The following CYRIB variants were observed in gnomAD, a reference collection of about 807,000 sequenced individuals.
The protein encoded by CYRIB is CYFIP related Rac1 interactor B.
In CYRIB, 8 loss-of-function variants were observed where a neutral mutation model predicts 44.2. The observed-to-expected ratio is 0.18, with a 90% confidence interval of 0.11 to 0.33. The LOEUF is 0.33. Ranked by LOEUF, CYRIB falls within the 10% of genes least tolerant of loss-of-function variation. The probability of loss-of-function intolerance (pLI) is 1.00; values close to 1 mark genes in which losing one functional copy is unlikely to be tolerated. For synonymous variants in CYRIB, 131 were observed against 127.2 expected (o/e 1.03, Z -0.20); for missense variants, 185 against 382.8 (o/e 0.48, Z 4.31).
chr8:129,877,049 G>A (rs760782040), intron 3 of CYRIB, among the ~76,000 whole-genome samples: 27 of 152,156 alleles, frequency 1.8e-4, no homozygotes, highest in Admixed American at 5.2e-4. Context: ...TTTTACAAAC[G>A]CATATTTCCA....
At chr8:129,842,705 T>G (rs1313863248) in intron 11 of CYRIB, among the ~76,000 whole-genome samples, 2 of 152,256 alleles carry the variant, frequency 1.3e-5, no homozygotes, top group East Asian at 3.8e-4. Context: ...TATAAAAGTT[T>G]TACTGAAACA....
chr8:130,007,148 C>T (rs1277903788), intron 1 of CYRIB, among the ~76,000 whole-genome samples: 5 of 152,214 alleles, frequency 3.3e-5, no homozygotes, highest in South Asian at 2.1e-4. Flanking sequence ...CCTTGGCTGA[C>T]GAGTTTGCAG....
upstream of CYRIB, among the ~76,000 whole-genome samples, chr8:129,943,424 GA>G (rs1463009585): frequency 1.2e-3 from 171 of 140,438 alleles, no homozygotes; most frequent in Middle Eastern, 3.6e-3. Context: ...CATCTCTACT[GA>G]AAAAAAAAAA....
chr8:129,922,819 C>T (rs1442602650), intron 1 of CYRIB, among the ~76,000 whole-genome samples: 2 of 150,650 alleles, frequency 1.3e-5, no homozygotes, highest in African/African-American at 4.9e-5. Context: ...GCCGAGATCG[C>T]ACCACTGCAC....
At chr8:129,862,649 T>C (rs1215141964) in intron 4 of CYRIB, among the ~76,000 whole-genome samples, 4 of 152,124 alleles carry the variant, frequency 2.6e-5, no homozygotes, top group African/African-American at 4.8e-5. Context: ...TTTTTTTATT[T>C]TTAGTAGAGA....
chr8:129,848,424 A>C (rs1362933335), intron 10 of CYRIB, among the ~76,000 whole-genome samples: 1 of 152,382 alleles, frequency 6.6e-6, no homozygotes, highest in South Asian at 2.1e-4. Context: ...GAAACTACGA[A>C]GTAGAGAAAT....
At chr8:129,925,796 T>G (rs965385145) in intron 1 of CYRIB, among the ~76,000 whole-genome samples, 3 of 152,166 alleles carry the variant, frequency 2.0e-5, no homozygotes, top group African/African-American at 4.8e-5. Context: ...CACATTAAGT[T>G]CCCCAAGTGG....
At chr8:130,011,158 G>T (rs72720362) in intron 1 of CYRIB, among the ~76,000 whole-genome samples, 57 of 151,900 alleles carry the variant, frequency 3.8e-4, no homozygotes, top group African/African-American at 1.2e-3. Context: ...TGTGCTCCCC[G>T]GGGGGACTCC....
At position 130,015,500 on chromosome 8, in the gene CYRIB, T is replaced by C. The variant is rs956542583; in HGVS notation, c.-296+870A>G. 3.8e-4 allele frequency among the ~76,000 whole-genome samples: 58 copies of C among 152,254 alleles called. No individual in the cohort carries two copies. The Middle Eastern group carries it at 0.017, about 45-fold the overall frequency. On this transcript the variant is annotated intron_variant, in intron 1 of 14. Coordinates refer to the CYRIB transcript ENST00000401979. The stretch of plus-strand genomic sequence containing the variant: ...AAGCGGCAGGGCCAGGAATTAAACA[T>C]AGCTGCAAAGTGCATGTGACACTCC...
chr8:129,902,481 A>C (rs990275554), intron 2 of CYRIB, among the ~76,000 whole-genome samples: 1 of 152,056 alleles, frequency 6.6e-6, no homozygotes, highest in African/African-American at 2.4e-5. Context: ...CGGCCTCCCA[A>C]AGTGCTGAGA....
chr8:129,955,515 G>A (rs918892825), intron 2 of CYRIB, among the ~76,000 whole-genome samples: 4 of 152,112 alleles, frequency 2.6e-5, no homozygotes, highest in East Asian at 3.9e-4. Context: ...TACAGACGTC[G>A]GAAATCTATA....
At chr8:129,876,205 A>C (rs1203308579) in intron 3 of CYRIB, among the ~76,000 whole-genome samples, 1 of 152,098 alleles carries the variant, frequency 6.6e-6, no homozygotes, top group Non-Finnish European at 1.5e-5. Flanking sequence ...TTGAAAATAA[A>C]TAATTTAAGT....
At chr8:129,925,691 T>G (rs1002046611) in intron 1 of CYRIB, among the ~76,000 whole-genome samples, 2 of 152,368 alleles carry the variant, frequency 1.3e-5, no homozygotes, top group Middle Eastern at 3.4e-3. Context: ...TTTGCTGTGC[T>G]GCCAAAGCAG....
chr8:130,003,273 T>C (rs1017020321), intron 1 of CYRIB, among the ~76,000 whole-genome samples: 1 of 152,228 alleles, frequency 6.6e-6, no homozygotes. Flanking sequence ...ATTTTGTCCA[T>C]ATTTTTTACT....
At chr8:129,895,006 C>A (rs1025410301) in intron 2 of CYRIB, among the ~76,000 whole-genome samples, 2 of 149,644 alleles carry the variant, frequency 1.3e-5, no homozygotes, top group Non-Finnish European at 3.0e-5. Context: ...GGTGTGCTCA[C>A]GGCTCACTGC....
intron 4 of CYRIB, among the ~76,000 whole-genome samples, chr8:129,869,985 A>C (rs1289688558): frequency 1.4e-5 from 2 of 147,488 alleles, no homozygotes; most frequent in African/African-American, 2.5e-5. Flanking sequence ...GGGTGGGGGG[A>C]GGGGGGGCGT....
chr8:130,015,956 C>T (rs1438926981), intron 1 of CYRIB, among the ~76,000 whole-genome samples: 1 of 152,042 alleles, frequency 6.6e-6, no homozygotes, highest in Non-Finnish European at 1.5e-5. Flanking sequence ...GCGCTGCTCC[C>T]GGGGTCAGTC....
chr8:129,925,054 T>A (rs2086660175), intron 1 of CYRIB, among the ~76,000 whole-genome samples: 1 of 152,110 alleles, frequency 6.6e-6, no homozygotes, highest in African/African-American at 2.4e-5. Flanking sequence ...TTGCTAACCT[T>A]GGGTGGGGCA....
At chr8:129,842,347 C>G in intron 11 of CYRIB, 142 bp from the exon 14 acceptor site, 1 of 637,154 alleles carries the variant, frequency 1.6e-6, no homozygotes, top group Non-Finnish European at 2.8e-6. Flanking sequence ...TAACCCTGTT[C>G]AGGTTCTGCA....
Sources: allele counts gnomAD v4.1 joint callset (sites outside exome capture counted in the v4.1 genomes callset), GRCh38; gene constraint gnomAD v4.1.1; transcripts MANE v1.5; gene names NCBI Gene and HGNC (gene_info 2026-07-23, HGNC 2026-07-21).